The following CENPW variants were observed in gnomAD, a reference collection of about 807,000 sequenced individuals.
CENPW encodes the protein cancer-up-regulated gene 2 protein.
CENPW carries 3 observed loss-of-function variants against 11.1 expected under a neutral mutation model. The observed-to-expected ratio is 0.27, with a 90% CI of 0.12 to 0.70. CENPW has a LOEUF of 0.70. Among genes scored for constraint, CENPW ranks in the 30% least tolerant of loss-of-function variants. The probability of loss-of-function intolerance (pLI) is 0.77; values close to 1 mark genes in which losing one functional copy is unlikely to be tolerated. For synonymous variants in CENPW, 38 were observed against 42.0 expected, an observed-to-expected ratio of 0.91 and a Z score of 0.37; for missense variants, 100 against 105.6, an observed-to-expected ratio of 0.95 and a Z score of 0.23.
At chr6:126,417,979 G>C in the CENPW span, among the ~76,000 whole-genome samples, 1 of 152,112 alleles carries the variant, frequency 6.6e-6, no homozygotes. Context: ...ATATAAAAAT[G>C]GCTAGAAGCA....
chr6:126,474,385 G>T, the CENPW span, among the ~76,000 whole-genome samples: 1 of 152,086 alleles, frequency 6.6e-6, no homozygotes, highest in Non-Finnish European at 1.5e-5. Flanking sequence ...TAAAGGGTCA[G>T]AAATTTAGAG....
At chr6:126,376,762 A>T in the CENPW span, among the ~76,000 whole-genome samples, 2 of 152,166 alleles carry the variant, frequency 1.3e-5, no homozygotes, top group Non-Finnish European at 2.9e-5. Flanking sequence ...TCCCTTAATC[A>T]TAGGATTTGG....
chr6:126,392,599 T>C, the CENPW span, among the ~76,000 whole-genome samples: 2 of 151,930 alleles, frequency 1.3e-5, no homozygotes, highest in African/African-American at 4.8e-5. Context: ...TAGAATGATG[T>C]ATCACATTGA....
the CENPW span, among the ~76,000 whole-genome samples, chr6:126,413,152 C>A: frequency 6.6e-6 from 1 of 150,416 alleles, no homozygotes; most frequent in South Asian, 2.1e-4. Flanking sequence ...TAAAAGATAA[C>A]AAAATCTATA....
the CENPW span, among the ~76,000 whole-genome samples, chr6:126,474,905 A>C: frequency 6.6e-6 from 1 of 152,132 alleles, no homozygotes; most frequent in Non-Finnish European, 1.5e-5. Flanking sequence ...ACTTTGCTAC[A>C]TATGAAAGCA....
At chr6:126,481,198 C>T in the CENPW span, among the ~76,000 whole-genome samples, 1 of 151,906 alleles carries the variant, frequency 6.6e-6, no homozygotes, top group Non-Finnish European at 1.5e-5. Flanking sequence ...TATCTAGTTT[C>T]AGATTACCTG....
At chr6:126,456,251 T>A in the CENPW span, among the ~76,000 whole-genome samples, 1 of 151,412 alleles carries the variant, frequency 6.6e-6, no homozygotes, top group South Asian at 2.1e-4. Context: ...GCCAAGGCAT[T>A]CCTAAGCAAA....
chr6:126,340,256 T>C lies in CENPW; in HGVS notation c.-18T>C, dbSNP rs754229837. 2.5e-6 allele frequency: 4 copies of C among 1,612,646 alleles called. No individual in the cohort carries two copies. Among genetic ancestry groups the C allele is most frequent in the South Asian group, 1.1e-5 (1 of 90,968 alleles). ...AGAGCACCTCGGAAGCTGAGGCAGC[T>C]GGTACTTGACAGAGAGGATGGCGCT... On this transcript the variant is annotated 5_prime_UTR_variant, in exon 1 of 3. Transcript: ENST00000368328.
At chr6:126,383,233 T>A in the CENPW span, among the ~76,000 whole-genome samples, 62 of 152,160 alleles carry the variant, frequency 4.1e-4, no homozygotes, top group African/African-American at 1.5e-3. Flanking sequence ...TCTGAGGGAA[T>A]TTGTTCCCAC....
At chr6:126,378,038 T>G in the CENPW span, among the ~76,000 whole-genome samples, 1 of 152,202 alleles carries the variant, frequency 6.6e-6, no homozygotes, top group Non-Finnish European at 1.5e-5. Flanking sequence ...CTCGCATCTT[T>G]AAAACTCCAA....
At chr6:126,413,681 A>C in the CENPW span, among the ~76,000 whole-genome samples, 1 of 151,948 alleles carries the variant, frequency 6.6e-6, no homozygotes, top group Non-Finnish European at 1.5e-5. Context: ...ACAAAAGAAA[A>C]GGACAAGAGA....
the CENPW span, among the ~76,000 whole-genome samples, chr6:126,433,430 C>G: frequency 6.6e-6 from 1 of 152,126 alleles, no homozygotes; most frequent in African/African-American, 2.4e-5. Context: ...AGATAATAAG[C>G]ATTAGCTGCT....
chr6:126,438,097 C>T, the CENPW span, among the ~76,000 whole-genome samples: 4 of 150,840 alleles, frequency 2.7e-5, no homozygotes. Context: ...TAGTAATTAC[C>T]CTGGAAGAAA....
At chr6:126,408,401 T>G in the CENPW span, among the ~76,000 whole-genome samples, 1 of 152,160 alleles carries the variant, frequency 6.6e-6, no homozygotes, top group African/African-American at 2.4e-5. Context: ...CTCCCCTTTA[T>G]AAAATCATCA....
At chr6:126,342,853 T>C (rs1363853193) in intron 1 of CENPW, among the ~76,000 whole-genome samples, 1 of 152,182 alleles carries the variant, frequency 6.6e-6, no homozygotes, top group Non-Finnish European at 1.5e-5. Flanking sequence ...GACAACTATG[T>C]GGATTGATGT....
the CENPW span, among the ~76,000 whole-genome samples, chr6:126,463,073 C>T: frequency 1.3e-5 from 2 of 151,956 alleles, no homozygotes; most frequent in Admixed American, 6.6e-5. Context: ...TCTGGAATCA[C>T]GAGTTTTAAC....
chr6:126,401,516 C>G, the CENPW span, among the ~76,000 whole-genome samples: 1 of 151,924 alleles, frequency 6.6e-6, no homozygotes. Context: ...GTGATTCTTC[C>G]CCTTCCCTCA....
chr6:126,346,492 A>G (rs977157627), intron 2 of CENPW, among the ~76,000 whole-genome samples, 174 bp downstream of exon 2: 1 of 152,228 alleles, frequency 6.6e-6, no homozygotes, highest in Non-Finnish European at 1.5e-5. Context: ...TATGTATATT[A>G]TTAATTTCCA....
chr6:126,470,487 C>T, the CENPW span, among the ~76,000 whole-genome samples: 1 of 152,236 alleles, frequency 6.6e-6, no homozygotes, highest in Non-Finnish European at 1.5e-5. Context: ...TGGAAAACCT[C>T]TACTAGGGCA....
Sources: gnomAD v4.1 joint callset for allele counts (sites outside exome capture counted in the v4.1 genomes callset) on GRCh38, gnomAD v4.1.1 for gene constraint, MANE v1.5 for transcripts, NCBI Gene and HGNC (gene_info 2026-07-23, HGNC 2026-07-21) for gene names.